Variants in ACOXL observed in about 807,000 individuals in gnomAD.
ACOXL encodes acyl-CoA oxidase like.
A neutral mutation model predicts 71.9 loss-of-function variants in ACOXL; 70 were observed. The ratio of observed to expected loss-of-function variants is 0.97; its 90% CI spans 0.80 to 1.19. The LOEUF is 1.19. Among genes scored for constraint, ACOXL ranks in the 50% most tolerant of loss-of-function variants. The pLI is 0.00. For synonymous variants in ACOXL, 253 were observed against 281.6 expected, an observed-to-expected ratio of 0.90 and a Z score of 1.02; for missense variants, 703 against 736.3, an observed-to-expected ratio of 0.95 and a Z score of 0.52.
chr2:110,827,608 C>T (rs534216894), intron 9 of ACOXL, among the ~76,000 whole-genome samples: 33 of 152,246 alleles, frequency 2.2e-4, no homozygotes, highest in African/African-American at 7.7e-4. Context: ...TGGAGGAAGG[C>T]AGCTCCTTAA....
intron 12 of ACOXL, among the ~76,000 whole-genome samples, chr2:110,935,076 G>A (rs939487167): frequency 6.6e-6 from 1 of 152,058 alleles, no homozygotes; most frequent in Admixed American, 6.5e-5. Context: ...CCAGGGATTC[G>A]GGGGTAGAGT....
chr2:110,886,628 C>T, intron 10 of ACOXL, among the ~76,000 whole-genome samples: 1 of 152,142 alleles, frequency 6.6e-6, no homozygotes, highest in South Asian at 2.1e-4. Context: ...ATCCACCCAC[C>T]TCGGCTTCTC....
chr2:111,097,139 T>C (rs2068848552), intron 17 of ACOXL, among the ~76,000 whole-genome samples: 1 of 152,258 alleles, frequency 6.6e-6, no homozygotes, highest in Non-Finnish European at 1.5e-5. Flanking sequence ...TTCCTATAAA[T>C]TTTGGCTTTA....
At chr2:110,863,594 C>A (rs185329091) in intron 10 of ACOXL, among the ~76,000 whole-genome samples, 2 of 151,410 alleles carry the variant, frequency 1.3e-5, no homozygotes, top group East Asian at 2.0e-4. Flanking sequence ...TCCCTGAGCA[C>A]CCCCCCCAAC....
At chr2:110,777,653 C>T (rs777892569) in intron 2 of ACOXL, among the ~76,000 whole-genome samples, 14 of 152,168 alleles carry the variant, frequency 9.2e-5, no homozygotes, top group Admixed American at 5.9e-4. Context: ...TGCACTGTCT[C>T]GTGGGCCAGG....
intron 10 of ACOXL, among the ~76,000 whole-genome samples, chr2:110,900,038 CATA>C (rs2059163451): frequency 6.6e-6 from 1 of 150,580 alleles, no homozygotes; most frequent in Non-Finnish European, 1.5e-5. Flanking sequence ...TTTTGGGGAA[CATA>C]AAAGGTGCAG....
At chr2:110,876,813 C>A (rs1695967987) in intron 10 of ACOXL, among the ~76,000 whole-genome samples, 1 of 152,170 alleles carries the variant, frequency 6.6e-6, no homozygotes, top group South Asian at 2.1e-4. Flanking sequence ...CCAAACCCTG[C>A]TCTAGGCATT....
At chr2:110,749,376 C>T (rs921589202) in intron 1 of ACOXL, among the ~76,000 whole-genome samples, 9 of 152,110 alleles carry the variant, frequency 5.9e-5, no homozygotes, top group African/African-American at 1.9e-4. Context: ...TGCCATATAT[C>T]CTCCCCTGTT....
intron 15 of ACOXL, among the ~76,000 whole-genome samples, chr2:111,047,130 T>A (rs2066054939): frequency 6.6e-6 from 1 of 152,192 alleles, no homozygotes; most frequent in African/African-American, 2.4e-5. Flanking sequence ...AGGATGATAG[T>A]CCCACAGAAA....
chr2:111,028,546 A>G (rs1022662907), intron 14 of ACOXL, among the ~76,000 whole-genome samples: 1 of 102,680 alleles, frequency 9.7e-6, no homozygotes, highest in Non-Finnish European at 2.1e-5. Flanking sequence ...GGAAGTGCTG[A>G]TAACAGAATC....
At chr2:111,098,538 C>G (rs1309775544) in intron 17 of ACOXL, 1 of 152,094 alleles carries the variant, frequency 6.6e-6, no homozygotes, top group Non-Finnish European at 1.5e-5. Flanking sequence ...GATATGGTAA[C>G]TAAATACAAT....
At chr2:110,886,380 CTTTT>C (rs751607372) in intron 10 of ACOXL, among the ~76,000 whole-genome samples, 17 of 131,470 alleles carry the variant, frequency 1.3e-4, no homozygotes, top group Non-Finnish European at 9.6e-5. Flanking sequence ...CCTTCTTTTT[CTTTT>C]TTTTTTTTTT....
In ACOXL at chr2:110,832,334, C is replaced by T. The variant is rs372462225; in HGVS notation, c.754-9037C>T. Among the ~76,000 whole-genome samples the T allele has an allele frequency of 3.3e-5, 5 of 151,710 alleles. No individual in the cohort carries two copies. The East Asian group carries it at 5.8e-4, about 18-fold the overall frequency. On this transcript the variant is annotated intron_variant, in intron 9 of 17. Transcript: ENST00000439055. ...CGGGTGGATCATGAGGTCAGGAGATCGAGACCATCCTGGCTAACAAGGTGA... is the reference window on the plus strand; with the variant it reads ...CGGGTGGATCATGAGGTCAGGAGATTGAGACCATCCTGGCTAACAAGGTGA...
At chr2:111,031,556 T>TC (rs1401295752) in intron 14 of ACOXL, 71 bp from the exon 15 acceptor site, 167 of 1,402,756 alleles carry the variant, frequency 1.2e-4, no homozygotes, top group Non-Finnish European at 1.6e-4. Context: ...ATGTTTGCCG[T>TC]CTGTCTTGCT....
chr2:110,771,531 T>C (rs982734865), intron 2 of ACOXL, among the ~76,000 whole-genome samples: 1 of 152,226 alleles, frequency 6.6e-6, no homozygotes, highest in Non-Finnish European at 1.5e-5. Flanking sequence ...ACTCCAGGTC[T>C]CTATGGACAG....
chr2:110,897,940 GAAT>G (rs2059079173), intron 10 of ACOXL, among the ~76,000 whole-genome samples: 1 of 151,990 alleles, frequency 6.6e-6, no homozygotes, highest in African/African-American at 2.4e-5. Context: ...AACATCAAAA[GAAT>G]AATAAGAGAA....
chr2:110,792,965 C>T (rs1684825083), intron 3 of ACOXL, among the ~76,000 whole-genome samples: 1 of 152,170 alleles, frequency 6.6e-6, no homozygotes, highest in Admixed American at 6.5e-5. Flanking sequence ...AGACACTTTC[C>T]CTCTATGAAT....
At chr2:110,997,607 A>G (rs930643010) in intron 14 of ACOXL, among the ~76,000 whole-genome samples, 1 of 152,198 alleles carries the variant, frequency 6.6e-6, no homozygotes, top group African/African-American at 2.4e-5. Flanking sequence ...ATCAGAAGCA[A>G]TTTCACTAAT....
At chr2:110,950,775 T>C (rs1049264983) in intron 12 of ACOXL, among the ~76,000 whole-genome samples, 1 of 143,252 alleles carries the variant, frequency 7.0e-6, no homozygotes, top group African/African-American at 2.6e-5. Context: ...CCAGCAAGAA[T>C]GAAGAATCAA....
Sources: gnomAD v4.1 joint callset for allele counts (sites outside exome capture counted in the v4.1 genomes callset) on GRCh38, gnomAD v4.1.1 for gene constraint, MANE v1.5 for transcripts, NCBI Gene and HGNC (gene_info 2026-07-23, HGNC 2026-07-21) for gene names.